DNAI2: variants seen among roughly 807,000 people sequenced by gnomAD.
The protein encoded by DNAI2 is dynein, axonemal, intermediate polypeptide 2.
DNAI2 carries 63 observed loss-of-function variants against 74.7 expected under a neutral mutation model. The observed-to-expected ratio is 0.84, with a 90% CI of 0.69 to 1.04. The LOEUF is 1.04. Ranked by LOEUF, DNAI2 falls within the 50% of genes least tolerant of loss-of-function variation. The probability of loss-of-function intolerance (pLI) is 0.00; values close to 1 mark genes in which losing one functional copy is unlikely to be tolerated. For missense variants in DNAI2, 688 were observed against 803.2 expected (o/e 0.86, Z 1.73); for synonymous variants, 289 against 314.9 (o/e 0.92, Z 0.87).
Position 74,302,436 on chromosome 17 carries a change from G to A in DNAI2, c.987+1268G>A, listed in dbSNP as rs139125983. On this transcript the variant is annotated intron_variant, in intron 8 of 13. Coordinates refer to ENST00000311014, the MANE Select transcript of DNAI2 (RefSeq NM_023036.6). Reference sequence around the variant, plus strand: ...TACAAAATTAGCTGGGCGTGGAGGCGCACGCCTGTAATCCCAGCTACTCGG... The same window carrying A: ...TACAAAATTAGCTGGGCGTGGAGGCACACGCCTGTAATCCCAGCTACTCGG... 1.7e-3 allele frequency among the ~76,000 whole-genome samples: 252 copies of A among 152,064 alleles called. 2 individuals carry two copies. The highest frequency in any genetic ancestry group is 5.6e-3 in the African/African-American group (231 of 41,486).
At chr17:74,304,877 C>G (rs1339423727) in intron 8 of DNAI2, among the ~76,000 whole-genome samples, 1 of 152,188 alleles carries the variant, frequency 6.6e-6, no homozygotes, top group Non-Finnish European at 1.5e-5. Context: ...CTTCTTTACT[C>G]TCTCTGTAAA....
intron 6 of DNAI2, 115 bp downstream of exon 6, chr17:74,291,248 C>T: frequency 1.3e-6 from 1 of 778,318 alleles, no homozygotes; most frequent in Non-Finnish European, 2.1e-6. Flanking sequence ...GCAACCTCCG[C>T]CTCCTGGGTT....
intron 13 of DNAI2, 77 bp from the exon 14 acceptor site, chr17:74,314,512 G>A (rs779364380): frequency 1.4e-4 from 55 of 400,368 alleles, no homozygotes; most frequent in Non-Finnish European, 2.4e-4. Flanking sequence ...GGCCACCTTA[G>A]TCCTAGTCCT....
At chr17:74,292,326 T>C (rs2052160157) in intron 6 of DNAI2, among the ~76,000 whole-genome samples, 1 of 152,186 alleles carries the variant, frequency 6.6e-6, no homozygotes, top group African/African-American at 2.4e-5. Flanking sequence ...GTAGTTTCTG[T>C]CTTTCTAGGA....
At chr17:74,275,959 G>T (rs190306609) in intron 1 of DNAI2, among the ~76,000 whole-genome samples, 1 of 152,120 alleles carries the variant, frequency 6.6e-6, no homozygotes, top group African/African-American at 2.4e-5. Context: ...CCCACCACTC[G>T]CAGGAACCCA....
intron 1 of DNAI2, among the ~76,000 whole-genome samples, chr17:74,277,384 CAAAAAAA>C (rs34911667): frequency 8.1e-6 from 1 of 123,844 alleles, no homozygotes; most frequent in Non-Finnish European, 1.7e-5. Context: ...GAATCCATCT[CAAAAAAA>C]AAAAAAAAAA....
chr17:74,287,070 C>G lies in DNAI2; in HGVS notation c.439C>G (p.Pro147Ala), dbSNP rs750519729. 2.5e-6 allele frequency: 4 copies of G among 1,613,876 alleles called. No individual in the cohort carries two copies. The highest frequency in any genetic ancestry group is 3.4e-6 in the Non-Finnish European group (4 of 1,179,838). The change falls in exon 4 of 14, where the codon CCT becomes GCT. Residue 147 changes from proline (P) to alanine (A), a missense_variant. Transcript: ENST00000311014. The stretch of plus-strand genomic sequence containing the variant: ...GGCCATGGAAGTGATGGAGGAGGAC[C>G]CTTCAGCTAAAACCATCAATGTGTT... ...EEAMEVMEED[P>A]SAKTINVFRD...
intron 4 of DNAI2, among the ~76,000 whole-genome samples, chr17:74,288,173 C>T (rs2143930545): frequency 6.6e-6 from 1 of 152,290 alleles, no homozygotes; most frequent in South Asian, 2.1e-4. Context: ...ACCCATACAA[C>T]CATTCTGTTT....
intron 6 of DNAI2, 98 bp downstream of exon 6, chr17:74,291,231 G>C (rs2052078449): frequency 1.0e-6 from 1 of 981,334 alleles, no homozygotes; most frequent in Admixed American, 2.1e-5. Flanking sequence ...TGCAATTTTG[G>C]CTCACTGCAA....
intron 3 of DNAI2, among the ~76,000 whole-genome samples, chr17:74,285,958 C>CAT (rs755199948): frequency 0.1 from 11,313 of 111,432 alleles, 655 homozygotes; most frequent in East Asian, 0.39. Flanking sequence ...CACACACACA[C>CAT]ATATATATAT....
intron 9 of DNAI2, among the ~76,000 whole-genome samples, chr17:74,308,888 A>T (rs2053337857): frequency 6.6e-6 from 1 of 151,634 alleles, no homozygotes; most frequent in South Asian, 2.1e-4. Flanking sequence ...ACATGGTGAA[A>T]CCCCATCTCT....
In DNAI2 at chr17:74,314,160, G is replaced by A. The variant is rs749213632; in HGVS notation, c.1762G>A (p.Gly588Arg). 17 of 1,614,202 alleles carry A rather than the reference G, an allele frequency of 1.1e-5. No individual in the cohort carries two copies. The highest frequency in any genetic ancestry group is 1.4e-5 in the Non-Finnish European group (17 of 1,180,014). ...AGAAGAAGACCAGGTGGTGGAGGAG[G>A]GAGAGGAAGCAGCGGGGGAAGAAGG... The part of the protein sequence containing the change: ...SPEEDQVVEE[G>R]EEAAGEEGDE... The change falls in exon 13 of 14, where the codon GGA (glycine) becomes AGA (arginine). Residue 588 changes from glycine to arginine, a missense_variant. By Grantham distance (125) the Gly-to-Arg change is moderately radical. Coordinates refer to ENST00000311014, the MANE Select transcript of DNAI2 (RefSeq NM_023036.6).
chr17:74,297,574 GTT>G (rs2052524462), intron 6 of DNAI2, among the ~76,000 whole-genome samples: 1 of 151,442 alleles, frequency 6.6e-6, no homozygotes, highest in African/African-American at 2.4e-5. Flanking sequence ...TAGAAACAGA[GTT>G]TTGTCATGTT....
chr17:74,279,781 G>A lies in DNAI2; in HGVS notation c.-11-2026G>A, dbSNP rs1381744078. Among the ~76,000 whole-genome samples the A allele has an allele frequency of 5.3e-5, 8 of 152,272 alleles. 1 individual carries two copies. The East Asian group carries it at 1.5e-3, about 29-fold the overall frequency. ...TGACCTCAAGTGATCCACCGGCCTC[G>A]GCCACCCAAAGTGCTGGGATTATAG... On this transcript the variant is annotated intron_variant, in intron 1 of 13. Coordinates refer to ENST00000311014, the MANE Select transcript of DNAI2 (RefSeq NM_023036.6).
chr17:74,305,189 T>G (rs761120612), intron 8 of DNAI2, 30 bp from the exon 9 acceptor site: 1 of 1,610,498 alleles, frequency 6.2e-7, no homozygotes, highest in South Asian at 1.1e-5. Context: ...GTTCGTGGAG[T>G]CTTCCCCTCC....
intron 1 of DNAI2, among the ~76,000 whole-genome samples, chr17:74,277,974 TG>T (rs1287836508): frequency 6.6e-6 from 1 of 152,258 alleles, no homozygotes; most frequent in African/African-American, 2.4e-5. Flanking sequence ...GTAGTTGTTC[TG>T]GGGTTCAAAC....
intron 10 of DNAI2, 92 bp from the exon 11 acceptor site, chr17:74,309,925 A>T: frequency 4.5e-6 from 7 of 1,558,606 alleles, no homozygotes; most frequent in Non-Finnish European, 6.2e-6. Flanking sequence ...GAATAGGGCC[A>T]AGTGGCTGAG....
At chr17:74,299,241 A>T (rs910210068) in intron 6 of DNAI2, among the ~76,000 whole-genome samples, 2 of 152,158 alleles carry the variant, frequency 1.3e-5, no homozygotes. Context: ...GGTACAAAGG[A>T]TAAGAGGAAA....
At chr17:74,287,379 C>T (rs545196802) in intron 4 of DNAI2, among the ~76,000 whole-genome samples, 2 of 152,316 alleles carry the variant, frequency 1.3e-5, no homozygotes, top group Admixed American at 1.3e-4. Context: ...AGTACAAGTA[C>T]CAAGCATGAG....
Sources: allele counts gnomAD v4.1 joint callset (sites outside exome capture counted in the v4.1 genomes callset), GRCh38; gene constraint gnomAD v4.1.1; transcripts MANE v1.5; gene names NCBI Gene and HGNC (gene_info 2026-07-23, HGNC 2026-07-21).